The following TMEM117 variants were observed in gnomAD, a reference collection of about 807,000 sequenced individuals.
TMEM117 encodes the protein transmembrane protein 117.
Under a neutral mutation model 52.4 loss-of-function variants are expected in TMEM117, and 27 were observed. The ratio of observed to expected loss-of-function variants is 0.51; its 90% CI spans 0.38 to 0.71. The LOEUF (loss-of-function observed/expected upper bound fraction) is 0.71. Among genes scored for constraint, TMEM117 ranks in the 30% least tolerant of loss-of-function variants. The pLI is 0.00. For missense variants in TMEM117, 556 were observed against 630.5 expected (o/e 0.88, Z 1.26); for synonymous variants, 215 against 206.3 (o/e 1.04, Z -0.36).
intron 2 of TMEM117, among the ~76,000 whole-genome samples, chr12:43,926,141 G>A (rs1944775350): frequency 6.6e-6 from 1 of 152,162 alleles, no homozygotes; most frequent in South Asian, 2.1e-4. Context: ...GCATACATCT[G>A]TCAAGGAACT....
chr12:44,308,136 A>T (rs979802495), intron 6 of TMEM117, among the ~76,000 whole-genome samples: 3 of 152,198 alleles, frequency 2.0e-5, no homozygotes, highest in Admixed American at 6.5e-5. Context: ...GTTTTATCCC[A>T]ATTTAAAGTA....
intron 3 of TMEM117, among the ~76,000 whole-genome samples, chr12:44,043,526 A>G (rs576531835): frequency 2.3e-4 from 35 of 152,226 alleles, no homozygotes; most frequent in South Asian, 6.2e-4. Flanking sequence ...CATAGTGGCA[A>G]CATCCCCTCC....
At chr12:44,314,852 C>T (rs1376393698) in intron 6 of TMEM117, among the ~76,000 whole-genome samples, 1 of 152,132 alleles carries the variant, frequency 6.6e-6, no homozygotes, top group Non-Finnish European at 1.5e-5. Context: ...CTTCTCTGTA[C>T]ATGTAGTAAA....
chr12:44,027,159 A>AG (rs1946551365), intron 3 of TMEM117, among the ~76,000 whole-genome samples: 1 of 123,894 alleles, frequency 8.1e-6, no homozygotes, highest in Non-Finnish European at 1.6e-5. Flanking sequence ...ATTTTATTTT[A>AG]TTTTATTTTA....
chr12:44,135,898 C>G (rs756024975), intron 3 of TMEM117, among the ~76,000 whole-genome samples: 8 of 152,140 alleles, frequency 5.3e-5, no homozygotes, highest in Admixed American at 4.6e-4. Flanking sequence ...TAAAATTGAA[C>G]TTGGTTTTTG....
chr12:43,847,550 G>T (rs2137363819), intron 2 of TMEM117, among the ~76,000 whole-genome samples: 1 of 152,300 alleles, frequency 6.6e-6, no homozygotes, highest in East Asian at 1.9e-4. Context: ...CAGAACAAAT[G>T]AAAGGGTTGC....
intron 6 of TMEM117, among the ~76,000 whole-genome samples, chr12:44,311,135 A>C (rs1439285203): frequency 2.0e-5 from 3 of 152,114 alleles, no homozygotes; most frequent in Non-Finnish European, 4.4e-5. Context: ...CTGAAAAATA[A>C]AACTAAATAT....
intron 4 of TMEM117, among the ~76,000 whole-genome samples, chr12:44,197,097 T>C (rs1420115535): frequency 1.3e-5 from 2 of 152,180 alleles, no homozygotes; most frequent in Non-Finnish European, 2.9e-5. Context: ...AGCTAACTCT[T>C]TTGGCTCCAT....
At chr12:43,809,420 G>A in the TMEM117 span, among the ~76,000 whole-genome samples, 5 of 152,150 alleles carry the variant, frequency 3.3e-5, no homozygotes, top group African/African-American at 7.2e-5. Flanking sequence ...CTTGTTATAT[G>A]TCATACCCAT....
At chr12:44,123,015 A>G (rs1948262606) in intron 3 of TMEM117, among the ~76,000 whole-genome samples, 1 of 152,182 alleles carries the variant, frequency 6.6e-6, no homozygotes, top group Non-Finnish European at 1.5e-5. Flanking sequence ...GAACTAATTT[A>G]TATTCCCACC....
chr12:44,271,248 T>A (rs1950442353), intron 5 of TMEM117, among the ~76,000 whole-genome samples: 1 of 152,092 alleles, frequency 6.6e-6, no homozygotes, highest in African/African-American at 2.4e-5. Flanking sequence ...GTAATATAAT[T>A]TTAACTACCT....
chr12:44,126,406 G>T (rs1027154768), intron 3 of TMEM117, among the ~76,000 whole-genome samples: 5 of 152,072 alleles, frequency 3.3e-5, no homozygotes, highest in Non-Finnish European at 7.4e-5. Flanking sequence ...AACTCTATAA[G>T]GTGGAATTTC....
intron 6 of TMEM117, among the ~76,000 whole-genome samples, chr12:44,335,350 T>C (rs949570613): frequency 6.6e-6 from 1 of 152,046 alleles, no homozygotes; most frequent in African/African-American, 2.4e-5. Flanking sequence ...ACAGAATAAG[T>C]CTCTGAGTAA....
intron 3 of TMEM117, among the ~76,000 whole-genome samples, chr12:44,123,093 A>G (rs570569621): frequency 6.6e-6 from 1 of 152,170 alleles, no homozygotes; most frequent in Non-Finnish European, 1.5e-5. Context: ...ACTTTTTAGT[A>G]ATAGCCATTC....
the TMEM117 span, among the ~76,000 whole-genome samples, chr12:43,798,154 T>G: frequency 1.3e-5 from 2 of 152,098 alleles, no homozygotes; most frequent in Non-Finnish European, 2.9e-5. Flanking sequence ...AAATTTTACT[T>G]GATAGAATTT....
At chr12:44,391,099 AC>A (rs1230486141), downstream of TMEM117, among the ~76,000 whole-genome samples, 5 of 152,190 alleles carry the variant, frequency 3.3e-5, no homozygotes, top group Non-Finnish European at 2.9e-5. Context: ...ATGCTTAAGT[AC>A]TATAAACAAT....
At chr12:44,114,107 T>G (rs1948089507) in intron 3 of TMEM117, among the ~76,000 whole-genome samples, 2 of 149,834 alleles carry the variant, frequency 1.3e-5, no homozygotes, top group African/African-American at 5.0e-5. Flanking sequence ...GCCCACTGTC[T>G]GGCACTCCCT....
chr12:43,843,166 T>C (rs531492819), intron 1 of TMEM117, among the ~76,000 whole-genome samples: 3 of 152,232 alleles, frequency 2.0e-5, no homozygotes, highest in Admixed American at 1.3e-4. Flanking sequence ...TAAAGGACCC[T>C]CTTCCCCCTC....
At chr12:43,872,452 A>C (rs1943723240) in intron 2 of TMEM117, among the ~76,000 whole-genome samples, 1 of 152,254 alleles carries the variant, frequency 6.6e-6, no homozygotes, top group African/African-American at 2.4e-5. Context: ...GCAGGTATTA[A>C]GAAATAACTT....
Sources: allele counts gnomAD v4.1 joint callset (sites outside exome capture counted in the v4.1 genomes callset), GRCh38; gene constraint gnomAD v4.1.1; transcripts MANE v1.5; gene names NCBI Gene and HGNC (gene_info 2026-07-23, HGNC 2026-07-21).